The following CRACDL variants were observed in gnomAD, a reference collection of about 807,000 sequenced individuals.
CRACDL encodes the protein CRACD-like protein.
CRACDL carries 26 observed loss-of-function variants against 70.6 expected under a neutral mutation model. That is an observed-to-expected ratio of 0.37 (90% CI 0.27 to 0.51). CRACDL has a LOEUF of 0.51. Among genes scored for constraint, CRACDL ranks in the 20% least tolerant of loss-of-function variants. The pLI is 0.94. For synonymous variants in CRACDL, 618 were observed against 615.2 expected (o/e 1.00, Z -0.07); for missense variants, 1,283 against 1,376.9 (o/e 0.93, Z 1.08).
intron 1 of CRACDL, among the ~76,000 whole-genome samples, chr2:98,917,560 A>G (rs1708696498): frequency 6.6e-6 from 1 of 152,246 alleles, no homozygotes; most frequent in South Asian, 2.1e-4. Context: ...ATAGTATCTT[A>G]CTTTAATAGG....
chr2:98,831,082 T>C (rs1705521580), intron 5 of CRACDL, among the ~76,000 whole-genome samples: 1 of 152,176 alleles, frequency 6.6e-6, no homozygotes, highest in African/African-American at 2.4e-5. Context: ...CGGTGAAGTC[T>C]ATGAAATAGG....
In CRACDL at chr2:98,823,540, G is replaced by C. The variant is rs1705188865; in HGVS notation, c.736-3C>G. The stretch of plus-strand genomic sequence containing the variant: ...CTCAGGGATTCAGACTGAGCGCGCT[G>C]AGAGAAATAAAGATAAAAAGCATCG... On this transcript the variant is annotated splice_region_variant and splice_polypyrimidine_tract_variant and intron_variant, in intron 6 of 9. Transcript: ENST00000397899. This position sits in a 1 kb window ranked among gnomAD's most constrained non-coding sequence, Gnocchi z 4.0. The C allele has an allele frequency of 6.4e-7, 1 of 1,566,622 alleles. No individual in the cohort carries two copies. The highest frequency in any genetic ancestry group is 1.4e-5 in the African/African-American group (1 of 73,856).
chr2:98,874,157 A>G (rs1405154318), intron 1 of CRACDL, among the ~76,000 whole-genome samples: 1 of 152,268 alleles, frequency 6.6e-6, no homozygotes, highest in African/African-American at 2.4e-5. Context: ...GAAACGAGTT[A>G]GGTAACTTCA....
chr2:98,916,226 CAT>C (rs1347316323), intron 1 of CRACDL, among the ~76,000 whole-genome samples: 1 of 152,218 alleles, frequency 6.6e-6, no homozygotes, highest in Non-Finnish European at 1.5e-5. Context: ...ACAAAATAAT[CAT>C]GGGCTGGAAG....
At chr2:98,915,485 C>T (rs938271121) in intron 1 of CRACDL, among the ~76,000 whole-genome samples, 2 of 152,060 alleles carry the variant, frequency 1.3e-5, no homozygotes, top group African/African-American at 2.4e-5. Flanking sequence ...TGCTGTGGAG[C>T]CCTGGAGGAG....
At chr2:98,828,041 C>T (rs776819414) in intron 5 of CRACDL, among the ~76,000 whole-genome samples, 2 of 152,258 alleles carry the variant, frequency 1.3e-5, no homozygotes, top group African/African-American at 4.8e-5. Context: ...CTCATTTATA[C>T]TTCAGCACGG....
At chr2:98,928,711 G>A (rs987694287) in intron 1 of CRACDL, among the ~76,000 whole-genome samples, 17 of 152,184 alleles carry the variant, frequency 1.1e-4, no homozygotes, top group African/African-American at 4.1e-4. Context: ...CACAAAGGCT[G>A]TGAAGAAAAC....
chr2:98,934,195 C>CTTT (rs34592936), intron 1 of CRACDL, among the ~76,000 whole-genome samples: 1 of 80,066 alleles, frequency 1.2e-5, no homozygotes, highest in Non-Finnish European at 2.5e-5. Context: ...AAGATTCATC[C>CTTT]TTTTTTTTTT....
Position 98,822,859 on chromosome 2 carries a change from C to A in CRACDL, c.1414G>T (p.Ala472Ser). 6.8e-7 allele frequency: 1 copy of A among 1,460,680 alleles called. No homozygotes were observed. Among genetic ancestry groups the A allele is most frequent in the Non-Finnish European group, 9.0e-7 (1 of 1,116,354 alleles). The allele number at this position is 1,460,680 out of a possible 1,614,324, so 90.5% of individuals were successfully genotyped here. Residue 472 changes from alanine (A) to serine (S), a missense_variant, in exon 7 of 10, where the codon GCG (alanine) becomes TCG (serine). By Grantham distance (99) the Ala-to-Ser change is moderately conservative (BLOSUM62 1). This residue lies in a region of CRACDL where 921 missense variants were observed against 881.9 expected (regional missense o/e 1.04). Coordinates refer to ENST00000397899, the MANE Select transcript of CRACDL (RefSeq NM_207362.3). The surrounding 1 kb of genome is among the most constrained non-coding windows in gnomAD (Gnocchi z 4.9). ...CCAATTCTCTCGGGCTCGGTCCCCG[C>A]TCCTCTCTCGGGCTCCGTCTCCGCT... ...REAETEPERGAGTEPERIGTE... is the reference protein window; with the variant it reads ...REAETEPERGSGTEPERIGTE...
intron 1 of CRACDL, among the ~76,000 whole-genome samples, chr2:98,859,608 C>T (rs187694860): frequency 1.8e-3 from 274 of 152,294 alleles, no homozygotes; most frequent in Middle Eastern, 3.4e-3. Flanking sequence ...AATCCAACAT[C>T]GCTTCATGAT....
intron 1 of CRACDL, among the ~76,000 whole-genome samples, chr2:98,927,102 G>A (rs1344762396): frequency 1.3e-5 from 2 of 152,264 alleles, no homozygotes. Context: ...CAGGGAGGGA[G>A]GCTTCAGGGC....
At chr2:98,859,042 A>G (rs1426064349) in intron 1 of CRACDL, among the ~76,000 whole-genome samples, 1 of 152,206 alleles carries the variant, frequency 6.6e-6, no homozygotes, top group Non-Finnish European at 1.5e-5. Context: ...TCATTGGTAA[A>G]TCCTATCAAA....
At chr2:98,804,754 G>A (rs1043447078) in intron 7 of CRACDL, among the ~76,000 whole-genome samples, 14 of 152,166 alleles carry the variant, frequency 9.2e-5, no homozygotes, top group South Asian at 4.1e-4. Flanking sequence ...GTGTCAATGC[G>A]TCAACAATAT....
intron 1 of CRACDL, among the ~76,000 whole-genome samples, chr2:98,922,396 C>T (rs1381383177): frequency 6.7e-5 from 10 of 149,270 alleles, no homozygotes; most frequent in South Asian, 2.1e-4. Context: ...TCCGAGATCC[C>T]GCTACTGCAC....
chr2:98,935,452 T>C (rs960988782), intron 1 of CRACDL, among the ~76,000 whole-genome samples: 20 of 152,258 alleles, frequency 1.3e-4, no homozygotes, highest in Middle Eastern at 3.4e-3. Flanking sequence ...AACTCCAGAA[T>C]CCCTCCCGGG....
Position 98,846,809 on chromosome 2 carries a change from C to T in CRACDL, c.-9G>A, listed in dbSNP as rs781028840. 28 of 1,613,130 alleles carry T rather than the reference C, an allele frequency of 1.7e-5. No individual in the cohort carries two copies. The highest frequency in any genetic ancestry group is 1.0e-4 in the Admixed American group (6 of 60,006). On this transcript the variant is annotated splice_region_variant and 5_prime_UTR_variant, in exon 2 of 10. Transcript: ENST00000397899. ...ACCCTTGTGGAAATCATGTCAAGCTCGCTGAAATTATATGGAAATTCACGT... is the reference window on the plus strand; with the variant it reads ...ACCCTTGTGGAAATCATGTCAAGCTTGCTGAAATTATATGGAAATTCACGT...
Position 98,796,133 on chromosome 2 carries a change from G to A in CRACDL, c.2736C>T (p.Ser912=), listed in dbSNP as rs866559309. 6.2e-7 allele frequency: 1 copy of A among 1,614,030 alleles called. No individual in the cohort carries two copies. Among genetic ancestry groups the A allele is most frequent in the Non-Finnish European group, 8.5e-7 (1 of 1,179,884 alleles). ...KEGLQRGISL[S]HQNLAQSAVM... ...CAGATTTCATACCCAAGTTCTGATGGGACAATGAGATTCCTCTTTGCAGCC... is the reference window on the plus strand; with the variant it reads ...CAGATTTCATACCCAAGTTCTGATGAGACAATGAGATTCCTCTTTGCAGCC... Residue 912 remains serine, a synonymous_variant, in exon 9 of 10, where the codon TCC becomes TCT. Coordinates refer to ENST00000397899, the MANE Select transcript of CRACDL (RefSeq NM_207362.3).
At chr2:98,832,813 A>G in intron 4 of CRACDL, 49 bp downstream of exon 4, 3 of 1,608,102 alleles carry the variant, frequency 1.9e-6, no homozygotes, top group Non-Finnish European at 2.6e-6. Flanking sequence ...AAACTTCTTG[A>G]TGGATATTTG....
intron 1 of CRACDL, among the ~76,000 whole-genome samples, chr2:98,864,881 A>G (rs1707074839): frequency 6.6e-6 from 1 of 152,208 alleles, no homozygotes. Flanking sequence ...ACTTTATGAT[A>G]TGTAACTAAT....
Sources: allele counts gnomAD v4.1 joint callset (sites outside exome capture counted in the v4.1 genomes callset), GRCh38; gene constraint gnomAD v4.1.1; regional missense constraint gnomAD v4.1.1; non-coding constraint Gnocchi (gnomAD v3.1); transcripts MANE v1.5; gene names NCBI Gene and HGNC (gene_info 2026-07-23, HGNC 2026-07-21).